CA10: variants seen among roughly 807,000 people sequenced by gnomAD.
CA10 encodes the protein carbonic anhydrase 10 (inactive).
A neutral mutation model predicts 44.2 loss-of-function variants in CA10; 14 were observed. That is an observed-to-expected ratio of 0.32 (90% CI 0.21 to 0.50). The LOEUF (loss-of-function observed/expected upper bound fraction) is 0.50, where lower values mean the gene tolerates loss of function less well. Among genes scored for constraint, CA10 ranks in the 20% least tolerant of loss-of-function variants. CA10 has a pLI of 0.99. For synonymous variants in CA10, 159 were observed against 141.6 expected, an observed-to-expected ratio of 1.12 and a Z score of -0.87; for missense variants, 350 against 409.7, an observed-to-expected ratio of 0.85 and a Z score of 1.26.
At chr17:52,088,751 G>A (rs945866477) in intron 1 of CA10, among the ~76,000 whole-genome samples, 1 of 152,060 alleles carries the variant, frequency 6.6e-6, no homozygotes, top group Non-Finnish European at 1.5e-5. Flanking sequence ...CTGTGTTTTT[G>A]TTATAAATGT....
intron 2 of CA10, among the ~76,000 whole-genome samples, chr17:51,967,324 A>C (rs902186885): frequency 2.0e-5 from 2 of 100,074 alleles, no homozygotes; most frequent in African/African-American, 6.8e-5. Context: ...CAACAATTCC[A>C]TTACTGGAGA....
At chr17:52,131,485 G>A (rs1989238582) in intron 1 of CA10, among the ~76,000 whole-genome samples, 1 of 152,130 alleles carries the variant, frequency 6.6e-6, no homozygotes, top group Non-Finnish European at 1.5e-5. Flanking sequence ...ACTATATGCA[G>A]AAAGTATTTT....
chr17:51,722,986 T>C (rs1444565404), intron 4 of CA10, among the ~76,000 whole-genome samples: 2 of 152,172 alleles, frequency 1.3e-5, no homozygotes, highest in Admixed American at 1.3e-4. Flanking sequence ...CCATCCCCCG[T>C]CCCTGCCAAT....
At chr17:51,881,846 A>C (rs1249742447) in intron 3 of CA10, among the ~76,000 whole-genome samples, 1 of 152,212 alleles carries the variant, frequency 6.6e-6, no homozygotes. Flanking sequence ...TTTGGAGAAG[A>C]CAAATAGGCA....
chr17:51,922,388 C>T (rs1052778722), intron 3 of CA10, among the ~76,000 whole-genome samples: 8 of 152,156 alleles, frequency 5.3e-5, no homozygotes, highest in Non-Finnish European at 1.0e-4. Flanking sequence ...CATGTATTCT[C>T]TCCCAAATGG....
chr17:51,896,245 C>T (rs1981064147), intron 3 of CA10, among the ~76,000 whole-genome samples: 1 of 151,956 alleles, frequency 6.6e-6, no homozygotes, highest in African/African-American at 2.4e-5. Flanking sequence ...TTCCTGTCCC[C>T]CTCTACCCTC....
At chr17:52,057,415 T>C (rs147682883) in intron 2 of CA10, among the ~76,000 whole-genome samples, 323 of 151,694 alleles carry the variant, frequency 2.1e-3, no homozygotes, top group African/African-American at 7.3e-3. Context: ...TATTTTCTTT[T>C]CCTTATGACT....
intron 3 of CA10, among the ~76,000 whole-genome samples, chr17:51,782,228 G>T (rs1906091107): frequency 6.6e-6 from 1 of 152,150 alleles, no homozygotes; most frequent in Non-Finnish European, 1.5e-5. Flanking sequence ...TCTCACCTTT[G>T]GGAATCACCA....
intron 3 of CA10, among the ~76,000 whole-genome samples, chr17:51,755,954 T>G (rs906392626): frequency 6.6e-6 from 1 of 152,200 alleles, no homozygotes; most frequent in Non-Finnish European, 1.5e-5. Context: ...AATGTCCTTT[T>G]TATTTATTTA....
intron 2 of CA10, among the ~76,000 whole-genome samples, chr17:52,057,987 C>T (rs1322202123): frequency 1.3e-5 from 2 of 151,994 alleles, no homozygotes; most frequent in Non-Finnish European, 2.9e-5. Flanking sequence ...ACTAGGAAAG[C>T]CATGAACCTC....
chr17:51,672,953 A>G (rs1409705769), intron 4 of CA10, among the ~76,000 whole-genome samples: 1 of 152,180 alleles, frequency 6.6e-6, no homozygotes, highest in Non-Finnish European at 1.5e-5. Flanking sequence ...GAACTCCACC[A>G]ACTTAGTTTA....
At chr17:51,756,747 A>T (rs1263068191) in intron 3 of CA10, among the ~76,000 whole-genome samples, 1 of 151,958 alleles carries the variant, frequency 6.6e-6, no homozygotes, top group Non-Finnish European at 1.5e-5. Context: ...AAGTGTTGGG[A>T]TTACAGGTGT....
At chr17:51,654,931 C>G (rs1913733692) in intron 4 of CA10, among the ~76,000 whole-genome samples, 1 of 151,944 alleles carries the variant, frequency 6.6e-6, no homozygotes, top group Non-Finnish European at 1.5e-5. Context: ...CTTTCTAATT[C>G]TAGTCCATGC....
chr17:52,142,039 C>A (rs1269826687), intron 1 of CA10, among the ~76,000 whole-genome samples: 2 of 152,160 alleles, frequency 1.3e-5, no homozygotes, highest in African/African-American at 4.8e-5. Flanking sequence ...CACAAAGAAG[C>A]CTCTGGTTGA....
At chr17:52,114,366 C>G (rs1164181138) in intron 1 of CA10, among the ~76,000 whole-genome samples, 1 of 152,202 alleles carries the variant, frequency 6.6e-6, no homozygotes, top group African/African-American at 2.4e-5. Flanking sequence ...ACTAAACTAC[C>G]TAGGTTCCAA....
At chr17:52,132,655 C>T (rs2143353757) in intron 1 of CA10, among the ~76,000 whole-genome samples, 1 of 152,258 alleles carries the variant, frequency 6.6e-6, no homozygotes, top group South Asian at 2.1e-4. Context: ...AGGCTCTGGC[C>T]ATCTGAGCAC....
Position 51,715,572 on chromosome 17 carries a change from C to A in CA10, c.465+32061G>T, listed in dbSNP as rs193094684. 6.9e-3 allele frequency among the ~76,000 whole-genome samples: 1,052 copies of A among 152,256 alleles called. 17 individuals carry two copies. The highest frequency in any genetic ancestry group is 0.024 in the African/African-American group (997 of 41,544). On this transcript the variant is annotated intron_variant, in intron 4 of 8. Transcript: ENST00000451037. ...CCTCAAGTATTTACCCTTTGTGTTA[C>A]AAACAATCCAATTACACTCTTTCGG...
chr17:51,739,303 A>G (rs1904367099), intron 4 of CA10, among the ~76,000 whole-genome samples: 1 of 152,176 alleles, frequency 6.6e-6, no homozygotes, highest in East Asian at 1.9e-4. Flanking sequence ...GTCACTGGTT[A>G]CTAAATAAAC....
chr17:51,910,180 G>A (rs1981732208), intron 3 of CA10, among the ~76,000 whole-genome samples: 1 of 152,002 alleles, frequency 6.6e-6, no homozygotes, highest in Non-Finnish European at 1.5e-5. Context: ...GCTTAGAGAG[G>A]GGCATGGTGA....
Sources: allele counts gnomAD v4.1 joint callset (sites outside exome capture counted in the v4.1 genomes callset), GRCh38; gene constraint gnomAD v4.1.1; transcripts MANE v1.5; gene names NCBI Gene and HGNC (gene_info 2026-07-23, HGNC 2026-07-21).